The following GANAB variants were observed in gnomAD, a reference collection of about 807,000 sequenced individuals.
The protein encoded by GANAB is neutral alpha-glucosidase AB.
A neutral mutation model predicts 129.9 loss-of-function variants in GANAB; 35 were observed. The ratio of observed to expected loss-of-function variants is 0.27; its 90% CI spans 0.21 to 0.36. The LOEUF is 0.36. Ranked by LOEUF, GANAB falls within the 10% of genes least tolerant of loss-of-function variation. The probability of loss-of-function intolerance (pLI) is 1.00; values close to 1 mark genes in which losing one functional copy is unlikely to be tolerated. For synonymous variants in GANAB, 482 were observed against 451.8 expected, an observed-to-expected ratio of 1.07 and a Z score of -0.85; for missense variants, 939 against 1,221.0, an observed-to-expected ratio of 0.77 and a Z score of 3.44.
chr11:62,631,321 C>G, intron 9 of GANAB, 138 bp from the exon 10 acceptor site: 3 of 689,044 alleles, frequency 4.4e-6, no homozygotes, highest in Non-Finnish European at 7.2e-6. Context: ...CTAAACGGGG[C>G]CTCTTCAGTG....
chr11:62,631,756 C>T (rs985831234), intron 9 of GANAB, among the ~76,000 whole-genome samples: 5 of 151,968 alleles, frequency 3.3e-5, no homozygotes, highest in African/African-American at 9.7e-5. Context: ...CCACTGCACC[C>T]GGCATCATCT....
intron 1 of GANAB, among the ~76,000 whole-genome samples, chr11:62,644,313 G>A (rs1944386805): frequency 6.6e-6 from 1 of 152,142 alleles, no homozygotes; most frequent in Non-Finnish European, 1.5e-5. Flanking sequence ...CTCTGAGAAA[G>A]TGTTTCAAAC....
intron 5 of GANAB, 125 bp downstream of exon 5, chr11:62,634,692 CAGAG>C (rs1015858610): frequency 6.4e-6 from 5 of 777,400 alleles, no homozygotes; most frequent in South Asian, 1.7e-5. Flanking sequence ...CCCTCCCTGA[CAGAG>C]AGCTTCTCCC....
chr11:62,632,485 G>T, intron 9 of GANAB, 80 bp downstream of exon 9: 1 of 1,112,030 alleles, frequency 9.0e-7, no homozygotes, highest in Non-Finnish European at 1.3e-6. Context: ...TCCCCAAATA[G>T]CTAATGCCCC....
chr11:62,637,471 C>T (rs538259872), intron 4 of GANAB, among the ~76,000 whole-genome samples: 3 of 151,998 alleles, frequency 2.0e-5, no homozygotes, highest in Non-Finnish European at 4.4e-5. Flanking sequence ...CTTTATCTTG[C>T]GAAGCTGATC....
Position 62,630,804 on chromosome 11 carries a change from C to T in GANAB, c.1183G>A (p.Gly395Ser), listed in dbSNP as rs1308164018. ...TQALPPLFSLGYHQSRWNYRD... is the reference protein window; with the variant it reads ...TQALPPLFSLSYHQSRWNYRD... ...TAGTTCCAACGGCTCTGGTGGTAGCCGAGGGAGAAGAGTGGGGGCAACGCC... is the reference window on the plus strand; with the variant it reads ...TAGTTCCAACGGCTCTGGTGGTAGCTGAGGGAGAAGAGTGGGGGCAACGCC... The change falls in exon 11 of 24, where the codon GGC becomes AGC. Residue 395 changes from glycine (G) to serine (S), a missense_variant. Gly to Ser is a moderately conservative substitution (Grantham distance 56). Around this residue, in one of 5 missense-constraint regions of GANAB, gnomAD observed 220 missense variants for 295.9 expected, o/e 0.74. Coordinates refer to ENST00000356638, the MANE Select transcript of GANAB (RefSeq NM_198334.3). 3.1e-6 allele frequency: 5 copies of T among 1,613,888 alleles called. No individual in the cohort carries two copies. Among genetic ancestry groups the T allele is most frequent in the Non-Finnish European group, 4.2e-6 (5 of 1,179,978 alleles).
chr11:62,627,248 G>A (rs572016346), intron 18 of GANAB, 41 bp downstream of exon 18: 3 of 1,425,244 alleles, frequency 2.1e-6, no homozygotes, highest in South Asian at 2.3e-5. Flanking sequence ...AGTGCTGCTT[G>A]GCCCAAAGCC....
At chr11:62,630,959 G>A (rs985386270) in intron 10 of GANAB, 71 bp downstream of exon 10, 1 of 1,532,088 alleles carries the variant, frequency 6.5e-7, no homozygotes. Context: ...CTGGGGCACA[G>A]GATCTCTGAA....
chr11:62,632,655 G>A lies in GANAB; in HGVS notation c.906C>T (p.Leu302=), dbSNP rs1212140031. ...PMALYGSVPV[L]LAHNPHRDLG... ...AGTCGCGATGAGGGTTGTGTGCCAG[G>A]AGCACAGGCACAGACCCATACAAGG... Residue 302 remains leucine, a synonymous_variant, in exon 9 of 24, where the codon CTC becomes CTT. Transcript: ENST00000356638. The A allele has an allele frequency of 6.2e-7, 1 of 1,612,450 alleles. No homozygotes were observed. The highest frequency in any genetic ancestry group is 1.7e-5 in the Admixed American group (1 of 60,000).
chr11:62,626,499 G>A (rs1943381821), intron 21 of GANAB, 52 bp from the exon 22 acceptor site: 1 of 1,505,988 alleles, frequency 6.6e-7, no homozygotes, highest in African/African-American at 1.4e-5. Flanking sequence ...GGAGTGAGGG[G>A]CACAACCCCA....
Position 62,626,648 on chromosome 11 carries a change from G to A in GANAB, c.2434C>T (p.Arg812Ter). The A allele has an allele frequency of 1.2e-6, 2 of 1,610,820 alleles. No homozygotes were observed. The highest frequency in any genetic ancestry group is 1.7e-6 in the Non-Finnish European group (2 of 1,178,266). The stretch of plus-strand genomic sequence containing the variant: ...GAAGACCGCCGCACTCGCATCCATC[G>A]AGGCACGATTGTCCCTCCACGCTGG... ...VFQRGGTIVP[R>*]WMRVRRSSEC... The change falls in exon 21 of 24, where the codon CGA becomes TGA. Residue 812 changes from arginine to a stop codon, truncating the protein, a stop_gained. Coordinates refer to ENST00000356638, the MANE Select transcript of GANAB (RefSeq NM_198334.3). LOFTEE classifies it high-confidence loss of function.
chr11:62,627,804 T>C (rs571853487), intron 17 of GANAB, among the ~76,000 whole-genome samples: 1 of 152,134 alleles, frequency 6.6e-6, no homozygotes, highest in Non-Finnish European at 1.5e-5. Context: ...GACAGTCGGG[T>C]TGGGGTTCAG....
intron 13 of GANAB, 74 bp downstream of exon 13, chr11:62,630,123 T>C: frequency 7.3e-7 from 1 of 1,369,468 alleles, no homozygotes; most frequent in Non-Finnish European, 1.0e-6. Flanking sequence ...CATAGAAGGG[T>C]TGGCAAGCCG....
Position 62,630,647 on chromosome 11 carries a change from G to A in GANAB, c.1340C>T (p.Pro447Leu). The A allele has an allele frequency of 6.2e-7, 1 of 1,614,208 alleles. No individual in the cohort carries two copies. Among genetic ancestry groups the A allele is most frequent in the Non-Finnish European group, 8.5e-7 (1 of 1,180,022 alleles). The stretch of plus-strand genomic sequence containing the variant: ...GCGCTCAAGCATGGTGCGGGGCTGA[G>A]GGAAGCGACTGGGGTCCCAGGTGAA... ...RYFTWDPSRF[P>L]QPRTMLERLA... The change falls in exon 11 of 24, where the codon CCT becomes CTT. Residue 447 changes from proline (P) to leucine (L), a missense_variant. Physicochemically the swap from Pro to Leu is moderately conservative, Grantham distance 98 (BLOSUM62 -3). Coordinates refer to ENST00000356638, the MANE Select transcript of GANAB (RefSeq NM_198334.3).
intron 13 of GANAB, 65 bp downstream of exon 13, chr11:62,630,132 C>T (rs991852641): frequency 2.9e-6 from 4 of 1,402,320 alleles, no homozygotes; most frequent in South Asian, 1.2e-5. Context: ...GTTGGCAAGC[C>T]GAGAGAGATT....
chr11:62,646,314 G>A (rs1189991672), intron 1 of GANAB, among the ~76,000 whole-genome samples: 2 of 152,244 alleles, frequency 1.3e-5, no homozygotes, highest in African/African-American at 2.4e-5. Context: ...CCAAGACCAA[G>A]AAAGACGCAC....
At chr11:62,644,285 G>A (rs1944385621) in intron 1 of GANAB, among the ~76,000 whole-genome samples, 2 of 152,050 alleles carry the variant, frequency 1.3e-5, no homozygotes, top group Admixed American at 1.3e-4. Context: ...ACACTGATAT[G>A]GGCAGAATAC....
At chr11:62,626,293 G>A (rs1943370526) in intron 22 of GANAB, 42 bp downstream of exon 22, 6 of 1,424,622 alleles carry the variant, frequency 4.2e-6, no homozygotes, top group Non-Finnish European at 6.0e-6. Context: ...CAAGGATCAG[G>A]CCCCAGCAAA....
At position 62,630,370 on chromosome 11, in the gene GANAB, T is replaced by C. The variant is rs745637855; in HGVS notation, c.1513+9A>G. On this transcript the variant is annotated intron_variant, in intron 12 of 23. Coordinates refer to ENST00000356638, the MANE Select transcript of GANAB (RefSeq NM_198334.3). ...CAATCAACTCTCCCTCAATTCTGGG[T>C]CTGCTTACCTGGCCAGCACCAGCCC... The C allele has an allele frequency of 5.6e-6, 9 of 1,614,100 alleles. No homozygotes were observed. Among genetic ancestry groups the C allele is most frequent in the South Asian group, 1.1e-5 (1 of 91,084 alleles).
Sources: allele counts gnomAD v4.1 joint callset (sites outside exome capture counted in the v4.1 genomes callset), GRCh38; gene constraint gnomAD v4.1.1; regional missense constraint gnomAD v4.1.1; transcripts MANE v1.5; gene names NCBI Gene and HGNC (gene_info 2026-07-23, HGNC 2026-07-21).